FIP1L1: variants seen among roughly 807,000 people sequenced by gnomAD.
FIP1L1 encodes pre-mRNA 3'-end-processing factor FIP1.
A neutral mutation model predicts 84.6 loss-of-function variants in FIP1L1; 21 were observed. That is an observed-to-expected ratio of 0.25 (90% CI 0.18 to 0.36). FIP1L1 has a LOEUF of 0.36. Ranked by LOEUF, FIP1L1 falls within the 10% of genes least tolerant of loss-of-function variation. The pLI, the probability that FIP1L1 is intolerant of heterozygous loss-of-function variation, is 1.00. For synonymous variants in FIP1L1, 263 were observed against 242.3 expected (o/e 1.09, Z -0.80); for missense variants, 526 against 751.1 (o/e 0.70, Z 3.50).
intron 13 of FIP1L1, 29 bp from the exon 14 acceptor site, chr4:53,442,624 A>AT: frequency 6.5e-7 from 1 of 1,545,450 alleles, no homozygotes; most frequent in Non-Finnish European, 8.9e-7. Context: ...CATTGTTAAC[A>AT]TTTTTTATCT....
chr4:53,389,156 T>C (rs1177423989), intron 5 of FIP1L1, among the ~76,000 whole-genome samples: 1 of 152,226 alleles, frequency 6.6e-6, no homozygotes, highest in East Asian at 1.9e-4. Flanking sequence ...GCTAGACTTA[T>C]TTTTGAATTT....
chr4:53,402,084 CT>C (rs1274146427), intron 10 of FIP1L1, among the ~76,000 whole-genome samples: 1 of 152,066 alleles, frequency 6.6e-6, no homozygotes. Context: ...CACTGTATGT[CT>C]TGAAAATGAT....
chr4:53,456,629 T>G (rs2150453186), intron 16 of FIP1L1, among the ~76,000 whole-genome samples: 1 of 152,300 alleles, frequency 6.6e-6, no homozygotes, highest in Non-Finnish European at 1.5e-5. Context: ...TTTCAACTTC[T>G]GTTTTTTAGG....
Position 53,391,517 on chromosome 4 carries a change from T to C in FIP1L1, c.705+19T>C. ...TTTTAAGGTGAATTTTAGTAAATTA[T>C]CCTTGGTTGCTCTCATTTTTTGTTC... On this transcript the variant is annotated intron_variant, in intron 9 of 17. Transcript: ENST00000337488. 6.3e-7 allele frequency: 1 copy of C among 1,581,158 alleles called. No individual in the cohort carries two copies. Among genetic ancestry groups the C allele is most frequent in the Non-Finnish European group, 8.7e-7 (1 of 1,150,548 alleles).
intron 5 of FIP1L1, among the ~76,000 whole-genome samples, chr4:53,387,575 AGCTTCTCTACACAG>A (rs1483597472): frequency 1.3e-5 from 2 of 152,300 alleles, no homozygotes; most frequent in Middle Eastern, 3.4e-3. Context: ...CATACCACTA[AGCTTCTCTACACAG>A]GCTTCTCTAC....
rs143541081 is a variant in FIP1L1 at position 53,433,189 on chromosome 4, G to T, written c.1174+5006G>T. On this transcript the variant is annotated intron_variant, in intron 13 of 17. Transcript: ENST00000337488. ...CCATTTATAAATATGTAGTTCATTG[G>T]CATTAAATACATTCACAATGTTATG... Among the ~76,000 whole-genome samples the T allele has an allele frequency of 2.6e-5, 4 of 152,214 alleles. No individual in the cohort carries two copies. The East Asian group carries it at 7.7e-4, about 29-fold the overall frequency.
intron 11 of FIP1L1, among the ~76,000 whole-genome samples, chr4:53,416,952 G>C (rs2149795024): frequency 6.6e-6 from 1 of 152,054 alleles, no homozygotes; most frequent in African/African-American, 2.4e-5. Flanking sequence ...GACAGAGTGA[G>C]ACCCTGTCTC....
chr4:53,425,936 C>T lies in FIP1L1; in HGVS notation c.988C>T (p.Arg330Ter). ...TITISRVEGR[R>*]RANENSNIQV... ...AACTATCAGCCGAGTAGAAGGCAGG[C>T]GACGGGCAAATGAGAACAGCAACAT... Residue 330 changes from arginine (R) to a stop codon, truncating the protein, a stop_gained, in exon 12 of 18, where the codon CGA becomes TGA. Transcript: ENST00000337488. LOFTEE classifies it high-confidence loss of function. 1 of 1,611,196 alleles carries T rather than the reference C, an allele frequency of 6.2e-7. No individual in the cohort carries two copies.
At chr4:53,408,550 A>G (rs1048914011) in intron 10 of FIP1L1, among the ~76,000 whole-genome samples, 4 of 152,110 alleles carry the variant, frequency 2.6e-5, no homozygotes, top group African/African-American at 9.7e-5. Flanking sequence ...CTGCCTTGCT[A>G]GATTGGGGAA....
At chr4:53,408,955 T>G (rs2149661150) in intron 10 of FIP1L1, among the ~76,000 whole-genome samples, 1 of 152,320 alleles carries the variant, frequency 6.6e-6, no homozygotes, top group South Asian at 2.1e-4. Flanking sequence ...CTCCCGTAGC[T>G]TGGAGTAGTT....
intron 13 of FIP1L1, among the ~76,000 whole-genome samples, chr4:53,432,880 T>C (rs1319431948): frequency 6.6e-6 from 1 of 151,414 alleles, no homozygotes; most frequent in Non-Finnish European, 1.5e-5. Flanking sequence ...CCTAGAAACT[T>C]TTTTTTTTAA....
intron 13 of FIP1L1, among the ~76,000 whole-genome samples, chr4:53,436,802 T>G (rs186437092): frequency 8.1e-4 from 123 of 152,330 alleles, no homozygotes; most frequent in African/African-American, 2.8e-3. Context: ...GAATGCTGCC[T>G]TTCTGTTTCT....
intron 15 of FIP1L1, 31 bp downstream of exon 15, chr4:53,444,134 A>G (rs763699495): frequency 1.5e-6 from 2 of 1,339,414 alleles, no homozygotes; most frequent in South Asian, 1.2e-5. Context: ...GCCTAGATTC[A>G]GTTTGAATCA....
Position 53,382,243 on chromosome 4 carries a change from T to C in FIP1L1, c.171-35T>C. 3 of 1,479,566 alleles carry C rather than the reference T, an allele frequency of 2.0e-6. No individual in the cohort carries two copies. The South Asian group carries it at 3.4e-5, about 17-fold the overall frequency. 91.7% of individuals were successfully genotyped at this position (1,479,566 alleles called of 1,614,324 possible). A position where few individuals can be genotyped will look rare whatever the true frequency, so the allele number is the denominator to read the frequency against. On this transcript the variant is annotated intron_variant, in intron 3 of 17. Coordinates refer to ENST00000337488, the MANE Select transcript of FIP1L1 (RefSeq NM_030917.4). Reference sequence around the variant, plus strand: ...ATCTATCTGTACTTCCGAAAAGTAATGCCTGACATGTATACTTACTTTTGT... The same window carrying C: ...ATCTATCTGTACTTCCGAAAAGTAACGCCTGACATGTATACTTACTTTTGT...
At chr4:53,402,946 T>A (rs1364581430) in intron 10 of FIP1L1, among the ~76,000 whole-genome samples, 1 of 152,204 alleles carries the variant, frequency 6.6e-6, no homozygotes, top group Non-Finnish European at 1.5e-5. Context: ...GGAATGGGAA[T>A]AATTGAAAGT....
intron 15 of FIP1L1, among the ~76,000 whole-genome samples, chr4:53,445,204 T>C (rs983476920): frequency 6.6e-6 from 1 of 152,194 alleles, no homozygotes; most frequent in African/African-American, 2.4e-5. Flanking sequence ...GTTAGTTTTA[T>C]GCTGAGTTGT....
At chr4:53,400,658 A>G (rs1348767173) in intron 10 of FIP1L1, among the ~76,000 whole-genome samples, 1 of 152,242 alleles carries the variant, frequency 6.6e-6, no homozygotes, top group African/African-American at 2.4e-5. Context: ...AGAATAATCT[A>G]ATGCAGGAAG....
In FIP1L1 at chr4:53,390,470, G is replaced by A. The variant is rs180796398; in HGVS notation, c.398-51G>A. The A allele has an allele frequency of 3.1e-3, 3,441 of 1,112,036 alleles. 12 individuals carry two copies. The highest frequency in any genetic ancestry group is 3.6e-3 in the Non-Finnish European group (2,655 of 734,914). 68.9% of individuals were successfully genotyped at this position (1,112,036 alleles called of 1,614,324 possible). A position where few individuals can be genotyped will look rare whatever the true frequency, so the allele number is the denominator to read the frequency against. On this transcript the variant is annotated intron_variant, in intron 6 of 17. Coordinates refer to ENST00000337488, the MANE Select transcript of FIP1L1 (RefSeq NM_030917.4). ...ATATTTTCTGTTTGTCTATGGTATC[G>A]CCTGGCTTCTTGCAAGTATAGCTCC... is the stretch of plus-strand genomic sequence containing the variant.
intron 15 of FIP1L1, among the ~76,000 whole-genome samples, chr4:53,450,222 T>C (rs1026373554): frequency 1.5e-4 from 23 of 152,324 alleles, no homozygotes; most frequent in African/African-American, 5.3e-4. Context: ...CCCTAAACTT[T>C]CGATAAATCT....
Sources: gnomAD v4.1 joint callset for allele counts (sites outside exome capture counted in the v4.1 genomes callset) on GRCh38, gnomAD v4.1.1 for gene constraint, MANE v1.5 for transcripts, NCBI Gene and HGNC (gene_info 2026-07-23, HGNC 2026-07-21) for gene names.